GABRG2: variants seen among roughly 807,000 people sequenced by gnomAD.
GABRG2 encodes the protein gamma-aminobutyric acid type A receptor subunit gamma2.
GABRG2 carries 16 observed loss-of-function variants against 56.4 expected under a neutral mutation model. That is an observed-to-expected ratio of 0.28 (90% CI 0.19 to 0.43). The LOEUF (loss-of-function observed/expected upper bound fraction) is 0.43, where lower values mean the gene tolerates loss of function less well. GABRG2 is among the 20% of genes least tolerant of loss of function. The pLI is 1.00. For missense variants in GABRG2, 327 were observed against 582.7 expected (o/e 0.56, Z 4.52); for synonymous variants, 208 against 205.5 (o/e 1.01, Z -0.10).
intron 7 of GABRG2, among the ~76,000 whole-genome samples, chr5:162,147,185 C>CTCTTTCTTTCTCTTTCTTTCTTTCTTCCT (rs1765013579): frequency 6.6e-6 from 1 of 151,866 alleles, no homozygotes; most frequent in South Asian, 2.1e-4. Flanking sequence ...GTCTCTCTAC[C>CTCTTTCTTTCTCTTTCTTTCTTTCTTCCT]TCTTTCTTTC....
chr5:162,081,497 A>T (rs1997583), intron 1 of GABRG2, among the ~76,000 whole-genome samples: 18,251 of 151,932 alleles, frequency 0.12, 1,391 homozygotes, highest in East Asian at 0.23. Context: ...AGCAAACAAC[A>T]ACAACAACTA....
chr5:162,121,297 T>A (rs1319295380), intron 6 of GABRG2, among the ~76,000 whole-genome samples: 4 of 152,112 alleles, frequency 2.6e-5, no homozygotes, highest in African/African-American at 9.7e-5. Context: ...TATAATTAGG[T>A]GTGAGCTAAT....
intron 1 of GABRG2, among the ~76,000 whole-genome samples, chr5:162,070,728 T>A (rs1239168887): frequency 3.3e-5 from 5 of 151,972 alleles, no homozygotes; most frequent in African/African-American, 1.2e-4. Context: ...CCCAAAATTT[T>A]TGAAACATTC....
intron 6 of GABRG2, among the ~76,000 whole-genome samples, chr5:162,125,784 A>T (rs758497506): frequency 6.6e-6 from 1 of 151,848 alleles, no homozygotes; most frequent in Non-Finnish European, 1.5e-5. Context: ...AGGAGAGACC[A>T]CTGAGGGGAT....
At chr5:162,151,932 A>G (rs1465851575) in intron 9 of GABRG2, 179 bp downstream of exon 9, 2 of 547,206 alleles carry the variant, frequency 3.7e-6, no homozygotes, top group Non-Finnish European at 6.4e-6. Context: ...ACTAATTCAC[A>G]TAGGTTTTAA....
intron 8 of GABRG2, 73 bp from the exon 9 acceptor site, chr5:162,151,656 TC>T: frequency 8.0e-7 from 1 of 1,252,302 alleles, no homozygotes; most frequent in South Asian, 1.3e-5. Flanking sequence ...CTTGTCTCTC[TC>T]TTTTTTTTTC....
chr5:162,109,389 A>AATATATATATAT lies in GABRG2; in HGVS notation c.769+5386_769+5397dup, dbSNP rs535370579. On this transcript the variant is annotated intron_variant, in intron 6 of 9. Transcript: ENST00000639213. ...ACATGTACCCTAGAACTTAAAGTATAATATATATATATATATATATATATA... is the reference window on the plus strand; with the variant it reads ...ACATGTACCCTAGAACTTAAAGTATAATATATATATATATATATATATATATATATATATATA... 6.4e-3 allele frequency among the ~76,000 whole-genome samples: 747 copies of AATATATATATAT among 115,978 alleles called. 7 individuals carry two copies. The highest frequency in any genetic ancestry group is 0.016 in the East Asian group (53 of 3,330). The allele number at this position is 115,978 out of a possible 152,430, so 76.1% of individuals were successfully genotyped here.
At chr5:162,116,645 G>A (rs1357841627) in intron 6 of GABRG2, among the ~76,000 whole-genome samples, 1 of 151,900 alleles carries the variant, frequency 6.6e-6, no homozygotes, top group Non-Finnish European at 1.5e-5. Context: ...GGCAGGGGAA[G>A]CAAATATCTG....
At chr5:162,080,538 G>A (rs1448072555) in intron 1 of GABRG2, among the ~76,000 whole-genome samples, 1 of 152,150 alleles carries the variant, frequency 6.6e-6, no homozygotes, top group African/African-American at 2.4e-5. Context: ...AACTTGGGAG[G>A]CAGAAAGCTA....
At chr5:162,112,740 A>C (rs940630184) in intron 6 of GABRG2, among the ~76,000 whole-genome samples, 3 of 152,158 alleles carry the variant, frequency 2.0e-5, no homozygotes, top group Non-Finnish European at 4.4e-5. Flanking sequence ...TTTGCTGGGC[A>C]TACAGATTAG....
At chr5:162,151,518 C>A in intron 8 of GABRG2, 2 of 499,424 alleles carry the variant, frequency 4.0e-6, no homozygotes, top group Non-Finnish European at 7.0e-6. Flanking sequence ...TTAAAAATTT[C>A]ACTAGTAATT....
intron 5 of GABRG2, chr5:162,101,670 C>G: frequency 3.5e-6 from 1 of 288,080 alleles, no homozygotes; most frequent in Non-Finnish European, 6.7e-6. Flanking sequence ...CCTTTCTCTC[C>G]TATGGGCCTA....
At chr5:162,099,275 T>C (rs1761232629) in intron 4 of GABRG2, 1 of 152,196 alleles carries the variant, frequency 6.6e-6, no homozygotes, top group South Asian at 2.1e-4. Context: ...TATTTATTTA[T>C]TTATTTATTT....
chr5:162,092,838 TCTAAA>T (rs1393096735), intron 1 of GABRG2, among the ~76,000 whole-genome samples: 2 of 152,172 alleles, frequency 1.3e-5, no homozygotes, highest in Non-Finnish European at 2.9e-5. Flanking sequence ...AAAATTTTAC[TCTAAA>T]CTACAAAAGT....
chr5:162,142,370 TA>T, intron 7 of GABRG2, 54 bp downstream of exon 7: 1 of 1,558,456 alleles, frequency 6.4e-7, no homozygotes, highest in Non-Finnish European at 8.8e-7. Flanking sequence ...CAAATACAAG[TA>T]ATTTTTATGT....
intron 6 of GABRG2, among the ~76,000 whole-genome samples, chr5:162,104,260 A>G (rs1761643339): frequency 6.6e-6 from 1 of 152,196 alleles, no homozygotes; most frequent in Non-Finnish European, 1.5e-5. Context: ...ATTATTCCCT[A>G]ATTTATTTAA....
intron 1 of GABRG2, among the ~76,000 whole-genome samples, chr5:162,071,789 G>T (rs542704998): frequency 6.6e-6 from 1 of 151,534 alleles, no homozygotes; most frequent in African/African-American, 2.4e-5. Flanking sequence ...TTTCCTCAGC[G>T]TACTAAATTG....
intron 7 of GABRG2, among the ~76,000 whole-genome samples, chr5:162,147,880 A>G (rs145702288): frequency 2.1e-3 from 314 of 152,330 alleles, no homozygotes; most frequent in Admixed American, 3.2e-3. Flanking sequence ...GCCTCCACTC[A>G]GGATTAGAAA....
At chr5:162,148,964 G>C in intron 7 of GABRG2, 144 bp from the exon 8 acceptor site, 1 of 727,712 alleles carries the variant, frequency 1.4e-6, no homozygotes, top group Admixed American at 2.0e-5. Context: ...TTTGTAAATA[G>C]AGTGAATTAA....
Sources: gnomAD v4.1 joint callset for allele counts (sites outside exome capture counted in the v4.1 genomes callset) on GRCh38, gnomAD v4.1.1 for gene constraint, MANE v1.5 for transcripts, NCBI Gene and HGNC (gene_info 2026-07-23, HGNC 2026-07-21) for gene names.